Variants in CD28 observed in about 807,000 individuals in gnomAD.
The protein encoded by CD28 is CD28 molecule, also known as T-cell-specific surface glycoprotein CD28.
CD28 carries 8 observed loss-of-function variants against 21.4 expected under a neutral mutation model. That is an observed-to-expected ratio of 0.37 (90% confidence interval 0.22 to 0.68). CD28 has a LOEUF of 0.68. CD28 is among the 30% of genes least tolerant of loss of function. CD28 has a pLI of 0.55. For missense variants in CD28, 239 were observed against 272.2 expected (o/e 0.88, Z 0.86); for synonymous variants, 106 against 104.0 (o/e 1.02, Z -0.12).
chr2:203,725,732 A>T (rs1035246856), intron 1 of CD28, among the ~76,000 whole-genome samples: 1 of 152,204 alleles, frequency 6.6e-6, no homozygotes, highest in East Asian at 1.9e-4. Context: ...AAGGGAATAG[A>T]TCTATGAATT....
In CD28 at chr2:203,729,712, G is replaced by A; in HGVS notation, c.474G>A (p.Val158=). The change falls in exon 3 of 4, where the codon GTG becomes GTA. Residue 158 remains valine (V), a synonymous_variant. Transcript: ENST00000324106. ...CTAAGCCCTTTTGGGTGCTGGTGGTGGTTGGTGGAGTCCTGGCTTGCTATA... is the reference window on the plus strand; with the variant it reads ...CTAAGCCCTTTTGGGTGCTGGTGGTAGTTGGTGGAGTCCTGGCTTGCTATA... ...GPSKPFWVLV[V]VGGVLACYSL... The A allele has an allele frequency of 6.2e-7, 1 of 1,614,094 alleles. No individual in the cohort carries two copies. Among genetic ancestry groups the A allele is most frequent in the African/African-American group, 1.3e-5 (1 of 75,050 alleles).
intron 1 of CD28, among the ~76,000 whole-genome samples, 159 bp downstream of exon 1, chr2:203,706,907 A>C (rs898402983): frequency 6.6e-6 from 1 of 152,218 alleles, no homozygotes; most frequent in African/African-American, 2.4e-5. Context: ...ATTGATTCTC[A>C]GACTACAATA....
chr2:203,716,476 C>T (rs1408955086), intron 1 of CD28, among the ~76,000 whole-genome samples: 2 of 151,998 alleles, frequency 1.3e-5, no homozygotes, highest in East Asian at 1.9e-4. Flanking sequence ...ACATTAAGTC[C>T]CTTATTTATT....
At chr2:203,727,399 T>G (rs1230459196) in intron 2 of CD28, among the ~76,000 whole-genome samples, 1 of 151,942 alleles carries the variant, frequency 6.6e-6, no homozygotes, top group African/African-American at 2.4e-5. Context: ...CTCCATAATC[T>G]TCCTCTGTAA....
intron 1 of CD28, among the ~76,000 whole-genome samples, chr2:203,722,829 T>C (rs1693638284): frequency 2.6e-5 from 4 of 152,216 alleles, no homozygotes; most frequent in Admixed American, 2.6e-4. Context: ...GCTCACAGTC[T>C]GTTCTTGGGA....
intron 1 of CD28, among the ~76,000 whole-genome samples, chr2:203,725,411 C>T (rs1329443047): frequency 6.6e-6 from 1 of 151,434 alleles, no homozygotes; most frequent in African/African-American, 2.4e-5. Context: ...GGTTTTAGTT[C>T]TGGCTTTGCT....
chr2:203,731,175 C>G (rs775222756), intron 3 of CD28, among the ~76,000 whole-genome samples: 2 of 152,202 alleles, frequency 1.3e-5, no homozygotes, highest in Non-Finnish European at 2.9e-5. Flanking sequence ...CCTGGCTTGC[C>G]TTCTGCAAGT....
chr2:203,735,047 G>A lies in CD28; in HGVS notation c.*135G>A, dbSNP rs767908312. 2.5e-5 allele frequency: 24 copies of A among 961,254 alleles called. No individual in the cohort carries two copies. The highest frequency in any genetic ancestry group is 1.3e-4 in the East Asian group (5 of 39,986). 59.5% of individuals were successfully genotyped at this position (961,254 alleles called of 1,614,324 possible). On this transcript the variant is annotated 3_prime_UTR_variant, in exon 4 of 4. Transcript: ENST00000324106. ...TGGGCCACCAATGCCAATTTTTCTCGAGTGACTAGACCAAATATCAAGATC... is the reference window on the plus strand; with the variant it reads ...TGGGCCACCAATGCCAATTTTTCTCAAGTGACTAGACCAAATATCAAGATC...
At chr2:203,726,510 CT>C in intron 1 of CD28, 122 bp from the exon 2 acceptor site, 1 of 690,572 alleles carries the variant, frequency 1.4e-6, no homozygotes, top group Non-Finnish European at 2.5e-6. Context: ...GGTCCTACAT[CT>C]TCTGCCAAGA....
intron 3 of CD28, among the ~76,000 whole-genome samples, chr2:203,734,506 G>A (rs1312120224): frequency 6.6e-6 from 1 of 152,244 alleles, no homozygotes; most frequent in Non-Finnish European, 1.5e-5. Flanking sequence ...CAGTGGATAT[G>A]TTAATTAGTG....
At chr2:203,728,869 T>C (rs1693817918) in intron 2 of CD28, among the ~76,000 whole-genome samples, 1 of 152,204 alleles carries the variant, frequency 6.6e-6, no homozygotes, top group South Asian at 2.1e-4. Context: ...TAATTTTCAA[T>C]CCTATCTGTA....
chr2:203,728,099 C>T (rs1013687831), intron 2 of CD28, among the ~76,000 whole-genome samples: 25 of 152,184 alleles, frequency 1.6e-4, no homozygotes, highest in Non-Finnish European at 2.9e-4. Context: ...CGTAAGCCAC[C>T]GCGCCCAGCC....
chr2:203,730,912 G>T (rs1331907606), intron 3 of CD28, among the ~76,000 whole-genome samples: 1 of 152,154 alleles, frequency 6.6e-6, no homozygotes, highest in African/African-American at 2.4e-5. Context: ...GGTGACTGCG[G>T]GTACAGACCT....
At position 203,737,887 on chromosome 2, in the gene CD28, T is replaced by C. The variant is rs931637521; in HGVS notation, c.*2975T>C. On this transcript the variant is annotated 3_prime_UTR_variant, in exon 4 of 4. Coordinates refer to ENST00000324106, the MANE Select transcript of CD28 (RefSeq NM_006139.4). ...TATTGTCTTTTGGTATTAAGAAAGA[T>C]ATGCTTTCAGAATAGATATGCTTCG... 3.9e-5 allele frequency: 6 copies of C among 152,548 alleles called. No individual in the cohort carries two copies. The highest frequency in any genetic ancestry group is 8.8e-5 in the Non-Finnish European group (6 of 68,036). 9.4% of individuals were successfully genotyped at this position (152,548 alleles called of 1,614,324 possible).
intron 1 of CD28, among the ~76,000 whole-genome samples, chr2:203,707,059 G>A (rs111779749): frequency 7.5e-4 from 114 of 152,052 alleles, no homozygotes; most frequent in South Asian, 5.4e-3. Context: ...GCCCAGGCTG[G>A]TCTCAAACTT....
At position 203,735,103 on chromosome 2, in the gene CD28, A is replaced by G; in HGVS notation, c.*191A>G. 1.6e-6 allele frequency: 1 copy of G among 642,744 alleles called. No individual in the cohort carries two copies. The highest frequency in any genetic ancestry group is 2.6e-6 in the Non-Finnish European group (1 of 384,444). 39.8% of individuals were successfully genotyped at this position (642,744 alleles called of 1,614,324 possible). A position where few individuals can be genotyped will look rare whatever the true frequency, so the allele number is the denominator to read the frequency against. On this transcript the variant is annotated 3_prime_UTR_variant, in exon 4 of 4. Coordinates refer to ENST00000324106, the MANE Select transcript of CD28 (RefSeq NM_006139.4). Reference sequence around the variant, plus strand: ...GAGACTCTGAAATGAAGTAAAAGAGATTTCCTGTGACAGGCCAAGTCTTAC... The same window carrying G: ...GAGACTCTGAAATGAAGTAAAAGAGGTTTCCTGTGACAGGCCAAGTCTTAC...
chr2:203,730,189 C>T (rs981554750), intron 3 of CD28, among the ~76,000 whole-genome samples: 2 of 152,162 alleles, frequency 1.3e-5, no homozygotes, highest in Admixed American at 1.3e-4. Context: ...TCATGAGAAA[C>T]TTGGCTACTG....
In CD28 at chr2:203,706,746, C is replaced by T. The variant is rs568613966; in HGVS notation, c.50C>T (p.Thr17Ile). The T allele has an allele frequency of 1.2e-6, 2 of 1,607,048 alleles. No homozygotes were observed. Among genetic ancestry groups the T allele is most frequent in the African/African-American group, 1.3e-5 (1 of 74,900 alleles). Residue 17 changes from threonine to isoleucine, a missense_variant and splice_region_variant, in exon 1 of 4, where the codon ACA becomes ATA. Around this residue, in one of 3 missense-constraint regions of CD28, gnomAD observed 104 missense variants for 108.5 expected, o/e 0.96. Coordinates refer to ENST00000324106, the MANE Select transcript of CD28 (RefSeq NM_006139.4). Reference sequence around the variant, plus strand: ...AACTTATTCCCTTCAATTCAAGTAACAGGTAAACAATGTTAATGTCTTTCT... The same window carrying T: ...AACTTATTCCCTTCAATTCAAGTAATAGGTAAACAATGTTAATGTCTTTCT... ...ALNLFPSIQV[T>I]GNKILVKQSP...
At chr2:203,719,968 A>G (rs1391849489) in intron 1 of CD28, among the ~76,000 whole-genome samples, 3 of 152,162 alleles carry the variant, frequency 2.0e-5, no homozygotes, top group Admixed American at 2.0e-4. Context: ...TGACCCGTTT[A>G]TAATAGGTGT....
Sources: allele counts gnomAD v4.1 joint callset (sites outside exome capture counted in the v4.1 genomes callset), GRCh38; gene constraint gnomAD v4.1.1; regional missense constraint gnomAD v4.1.1; transcripts MANE v1.5; gene names NCBI Gene and HGNC (gene_info 2026-07-23, HGNC 2026-07-21).